The following TTC28 variants were observed in gnomAD, a reference collection of about 807,000 sequenced individuals.
The protein encoded by TTC28 is tetratricopeptide repeat domain 28.
Under a neutral mutation model 198.0 loss-of-function variants are expected in TTC28, and 61 were observed. The ratio of observed to expected loss-of-function variants is 0.31; its 90% CI spans 0.25 to 0.38. The LOEUF is 0.38. Ranked by LOEUF, TTC28 falls within the 10% of genes least tolerant of loss-of-function variation. TTC28 has a pLI of 1.00. For synonymous variants in TTC28, 1,171 were observed against 1,297.8 expected (o/e 0.90, Z 2.10); for missense variants, 2,678 against 3,164.0 (o/e 0.85, Z 3.69).
intron 5 of TTC28, among the ~76,000 whole-genome samples, chr22:28,247,321 G>T (rs1355175739): frequency 6.6e-6 from 1 of 152,148 alleles, no homozygotes; most frequent in Non-Finnish European, 1.5e-5. Context: ...TCATGGTGTG[G>T]GTGTGTAAGT....
At chr22:28,454,090 T>C (rs954494695) in intron 2 of TTC28, among the ~76,000 whole-genome samples, 1 of 152,202 alleles carries the variant, frequency 6.6e-6, no homozygotes, top group African/African-American at 2.4e-5. Flanking sequence ...ACATTCAAGT[T>C]TCTTGTCAAA....
intron 6 of TTC28, among the ~76,000 whole-genome samples, chr22:28,120,251 A>G (rs1942749127): frequency 6.6e-6 from 1 of 152,186 alleles, no homozygotes; most frequent in South Asian, 2.1e-4. Flanking sequence ...TGCTTTCTGA[A>G]TATGTCTACC....
At chr22:28,470,248 C>T (rs529782516) in intron 2 of TTC28, among the ~76,000 whole-genome samples, 6 of 152,156 alleles carry the variant, frequency 3.9e-5, no homozygotes, top group Non-Finnish European at 7.4e-5. Flanking sequence ...TGGCCTTAAA[C>T]GCAGAGACTA....
chr22:28,253,128 G>A (rs541155717), intron 5 of TTC28, among the ~76,000 whole-genome samples: 18 of 151,910 alleles, frequency 1.2e-4, no homozygotes, highest in Non-Finnish European at 1.8e-4. Flanking sequence ...TCCACTTCTG[G>A]GACATTTTCT....
At chr22:28,420,031 T>C (rs2047223849) in intron 2 of TTC28, among the ~76,000 whole-genome samples, 1 of 152,216 alleles carries the variant, frequency 6.6e-6, no homozygotes, top group African/African-American at 2.4e-5. Flanking sequence ...TGCAGCAAGT[T>C]TGATTTTGAA....
chr22:28,663,137 A>T (rs1013179571), intron 1 of TTC28, among the ~76,000 whole-genome samples: 6 of 151,716 alleles, frequency 4.0e-5, no homozygotes, highest in African/African-American at 1.5e-4. Flanking sequence ...AGTCCCAGCT[A>T]CTCGGAAGGC....
intron 1 of TTC28, among the ~76,000 whole-genome samples, chr22:28,661,625 T>TCAA: frequency 6.6e-6 from 1 of 151,984 alleles, no homozygotes; most frequent in Admixed American, 6.6e-5. Flanking sequence ...GTTTTTTTTT[T>TCAA]TGAGACAGAG....
At chr22:28,249,152 G>C (rs1215363910) in intron 5 of TTC28, among the ~76,000 whole-genome samples, 2 of 152,106 alleles carry the variant, frequency 1.3e-5, no homozygotes, top group African/African-American at 4.8e-5. Context: ...CGAGAGCACA[G>C]CTTTTAGAGG....
chr22:28,309,559 T>A (rs943723700), intron 2 of TTC28, among the ~76,000 whole-genome samples: 1 of 152,228 alleles, frequency 6.6e-6, no homozygotes, highest in Non-Finnish European at 1.5e-5. Flanking sequence ...TATCTGCTTC[T>A]CCTTCTATGG....
chr22:28,537,532 G>C (rs1042356272), intron 2 of TTC28, among the ~76,000 whole-genome samples: 4 of 151,662 alleles, frequency 2.6e-5, no homozygotes, highest in African/African-American at 9.7e-5. Context: ...AAATACAAAA[G>C]TAAACATTTT....
At chr22:27,986,197 G>C (rs1488541197) in intron 21 of TTC28, 3 of 152,146 alleles carry the variant, frequency 2.0e-5, no homozygotes, top group Non-Finnish European at 4.4e-5. Flanking sequence ...GGATTGGTTC[G>C]CATGATAGTG....
chr22:28,388,757 T>C (rs993872880), intron 2 of TTC28, among the ~76,000 whole-genome samples: 2 of 152,186 alleles, frequency 1.3e-5, no homozygotes, highest in Non-Finnish European at 2.9e-5. Flanking sequence ...ACAATGGGGT[T>C]TTCTAGATAT....
chr22:28,535,120 T>A (rs2145911786), intron 2 of TTC28, among the ~76,000 whole-genome samples: 1 of 152,232 alleles, frequency 6.6e-6, no homozygotes, highest in East Asian at 1.9e-4. Context: ...TGTCCCTTAA[T>A]AAAATCTGTT....
chr22:28,351,173 C>T (rs1184145460), intron 2 of TTC28, among the ~76,000 whole-genome samples: 4 of 151,738 alleles, frequency 2.6e-5, no homozygotes, highest in African/African-American at 9.7e-5. Flanking sequence ...CAGAGCAAGA[C>T]TCTGTCTCAA....
chr22:28,272,917 A>G (rs1012876093), intron 5 of TTC28, among the ~76,000 whole-genome samples: 1 of 152,224 alleles, frequency 6.6e-6, no homozygotes, highest in Non-Finnish European at 1.5e-5. Flanking sequence ...CCTAGAGGAG[A>G]AGAAGACAAA....
In TTC28 at chr22:28,288,884, A is replaced by AGCTTG. The variant is rs200794820; in HGVS notation, c.933+7309_933+7313dup. On this transcript the variant is annotated intron_variant, in intron 5 of 22. Coordinates refer to ENST00000397906, the MANE Select transcript of TTC28 (RefSeq NM_001145418.2). The stretch of plus-strand genomic sequence containing the variant: ...ATGGCAGAGCCAAAATTCAAGCCCA[A>AGCTTG]GCTTGTTGACTATCTAATTTCACTC... 8.8e-3 allele frequency among the ~76,000 whole-genome samples: 1,341 copies of AGCTTG among 152,270 alleles called. 16 individuals are homozygous for AGCTTG. The highest frequency in any genetic ancestry group is 0.03 in the African/African-American group (1,267 of 41,556).
At chr22:28,404,087 A>T (rs536754968) in intron 2 of TTC28, among the ~76,000 whole-genome samples, 1 of 152,200 alleles carries the variant, frequency 6.6e-6, no homozygotes, top group South Asian at 2.1e-4. Flanking sequence ...ATATTAATTT[A>T]AAAATTTTTA....
chr22:28,652,041 C>T (rs1391901417), intron 1 of TTC28, among the ~76,000 whole-genome samples: 31 of 150,640 alleles, frequency 2.1e-4, no homozygotes, highest in Non-Finnish European at 1.8e-4. Flanking sequence ...GGTTTCACCA[C>T]ATTGGCCAGG....
chr22:28,296,574 G>C (rs1048055637), intron 4 of TTC28, among the ~76,000 whole-genome samples: 1 of 152,108 alleles, frequency 6.6e-6, no homozygotes, highest in Non-Finnish European at 1.5e-5. Flanking sequence ...AGGGACTTAG[G>C]TGTCTTAGAA....
Sources: allele counts gnomAD v4.1 joint callset (sites outside exome capture counted in the v4.1 genomes callset), GRCh38; gene constraint gnomAD v4.1.1; transcripts MANE v1.5; gene names NCBI Gene and HGNC (gene_info 2026-07-23, HGNC 2026-07-21).